RTL4: variants seen among roughly 807,000 people sequenced by gnomAD.
The protein encoded by RTL4 is retrotransposon Gag like 4, also known as retrotransposon Gag-like protein 4.
RTL4 carries 4 observed loss-of-function variants against 5.3 expected under a neutral mutation model. That is an observed-to-expected ratio of 0.75 (90% CI 0.37 to 1.72). RTL4 has a LOEUF of 1.72. Ranked by LOEUF, RTL4 falls within the 40% of genes most tolerant of loss-of-function variation. The probability of loss-of-function intolerance (pLI) is 0.04; values close to 1 mark genes in which losing one functional copy is unlikely to be tolerated. For synonymous variants in RTL4, 98 were observed against 87.3 expected (o/e 1.12, Z -0.68); for missense variants, 260 against 227.1 (o/e 1.14, Z -0.93).
At chrX:112,208,505 A>T in the RTL4 span, among the ~76,000 whole-genome samples, 2 of 112,135 alleles carry the variant, frequency 1.8e-5, no homozygotes, top group African/African-American at 6.5e-5. Context: ...TGTTTCCAGG[A>T]ACTAGGATAC....
At chrX:112,171,866 TAATTA>T in the RTL4 span, among the ~76,000 whole-genome samples, 1 of 112,468 alleles carries the variant, frequency 8.9e-6, no homozygotes, top group Non-Finnish European at 1.9e-5. Context: ...ACATGTGATC[TAATTA>T]AATTAAAGAG....
At chrX:112,302,390 A>G in the RTL4 span, among the ~76,000 whole-genome samples, 1 of 111,358 alleles carries the variant, frequency 9.0e-6, no homozygotes, top group Non-Finnish European at 1.9e-5. Context: ...TGGTTTCTCC[A>G]TCTGAAAAAT....
At chrX:112,353,627 G>A in the RTL4 span, among the ~76,000 whole-genome samples, 1 of 110,213 alleles carries the variant, frequency 9.1e-6, no homozygotes, top group Non-Finnish European at 1.9e-5. Flanking sequence ...GGTGGGAATT[G>A]AACAATGAGA....
the RTL4 span, among the ~76,000 whole-genome samples, chrX:112,106,505 A>G: frequency 2.7e-5 from 3 of 112,017 alleles, no homozygotes. Context: ...TATCTCTTCA[A>G]TATACCAATT....
At chrX:112,409,009 T>C in the RTL4 span, among the ~76,000 whole-genome samples, 54 of 112,454 alleles carry the variant, frequency 4.8e-4, no homozygotes, top group African/African-American at 1.7e-3. Flanking sequence ...AGATATTACC[T>C]ACAAGAAATG....
the RTL4 span, among the ~76,000 whole-genome samples, chrX:112,300,580 T>C: frequency 8.9e-6 from 1 of 112,441 alleles, no homozygotes; most frequent in Non-Finnish European, 1.9e-5. Flanking sequence ...TTCACTAAAC[T>C]GTTAGTCTGT....
the RTL4 span, among the ~76,000 whole-genome samples, chrX:112,145,920 G>A: frequency 1.8e-5 from 2 of 112,081 alleles, no homozygotes; most frequent in Non-Finnish European, 3.8e-5. Context: ...TCATATATGC[G>A]CTTGTAGGCT....
At chrX:112,309,815 C>G in the RTL4 span, among the ~76,000 whole-genome samples, 1 of 102,821 alleles carries the variant, frequency 9.7e-6, no homozygotes, top group African/African-American at 4.0e-5. Context: ...TATACACACA[C>G]ATATATACAT....
At chrX:112,225,862 C>T in the RTL4 span, among the ~76,000 whole-genome samples, 1 of 112,033 alleles carries the variant, frequency 8.9e-6, no homozygotes, top group Admixed American at 9.5e-5. Context: ...CTGGCCCCTA[C>T]CCTGGAGTGT....
the RTL4 span, among the ~76,000 whole-genome samples, chrX:112,102,590 T>G: frequency 3.4e-4 from 38 of 111,261 alleles, no homozygotes; most frequent in African/African-American, 1.2e-3. Context: ...TTTTATAAAA[T>G]TAGCCTATCT....
the RTL4 span, among the ~76,000 whole-genome samples, chrX:112,177,239 T>A: frequency 9.0e-6 from 1 of 111,306 alleles, no homozygotes; most frequent in African/African-American, 3.3e-5. Flanking sequence ...GTTGTTCTAT[T>A]TTTAGGTCTT....
the RTL4 span, among the ~76,000 whole-genome samples, chrX:112,357,226 T>C: frequency 9.1e-6 from 1 of 109,892 alleles, no homozygotes; most frequent in Non-Finnish European, 1.9e-5. Flanking sequence ...TACTTTCTAC[T>C]AGCTTAACTA....
At chrX:112,169,096 C>G in the RTL4 span, among the ~76,000 whole-genome samples, 1 of 37,028 alleles carries the variant, frequency 2.7e-5, no homozygotes, top group African/African-American at 1.0e-4. Flanking sequence ...TTCTTTCTTT[C>G]TTTCTTTCTT....
In RTL4 at chrX:112,455,177, C is replaced by T. The variant is rs143110736; in HGVS notation, c.449C>T (p.Ala150Val). The T allele has an allele frequency of 2.6e-5, 32 of 1,209,646 alleles. No homozygotes were observed. The African/African-American group carries it at 4.9e-4, about 19-fold the overall frequency. The stretch of plus-strand genomic sequence containing the variant: ...CAGGAAATCAATCCTCTGATGAATG[C>T]TAAGTTTGACAAAGGAGACAACTCC... Residue 150 changes from alanine (A) to valine (V), a missense_variant, in exon 1 of 1, where the codon GCT becomes GTT. Transcript: ENST00000340433.
chrX:112,286,292 G>C, the RTL4 span, among the ~76,000 whole-genome samples: 1 of 112,070 alleles, frequency 8.9e-6, no homozygotes, highest in Non-Finnish European at 1.9e-5. Context: ...GGAGTAGTAG[G>C]TGAGAAGAAA....
chrX:112,147,090 C>G, the RTL4 span, among the ~76,000 whole-genome samples: 4,787 of 108,102 alleles, frequency 0.044, 96 homozygotes, highest in Non-Finnish European at 0.05. Flanking sequence ...GTGATCTGGG[C>G]CAAATTATTT....
the RTL4 span, among the ~76,000 whole-genome samples, chrX:112,405,097 G>T: frequency 1.8e-5 from 2 of 111,432 alleles, no homozygotes; most frequent in East Asian, 5.6e-4. Context: ...CCTCAGCATG[G>T]AAAGGCAAAC....
chrX:112,154,812 T>G, the RTL4 span, among the ~76,000 whole-genome samples: 32 of 111,536 alleles, frequency 2.9e-4, no homozygotes, highest in African/African-American at 8.8e-4. Flanking sequence ...GGTATTTTTT[T>G]GGGCAAGCAC....
the RTL4 span, among the ~76,000 whole-genome samples, chrX:112,180,959 C>T: frequency 1.8e-5 from 2 of 111,809 alleles, no homozygotes; most frequent in South Asian, 3.8e-4. Context: ...AGGTGATTTC[C>T]GCATTTCCAA....
Sources: gnomAD v4.1 joint callset for allele counts (sites outside exome capture counted in the v4.1 genomes callset) on GRCh38, gnomAD v4.1.1 for gene constraint, MANE v1.5 for transcripts, NCBI Gene and HGNC (gene_info 2026-07-23, HGNC 2026-07-21) for gene names.